MTR: variants seen among roughly 807,000 people sequenced by gnomAD.
MTR encodes methionine synthase.
MTR carries 84 observed loss-of-function variants against 154.8 expected under a neutral mutation model. The ratio of observed to expected loss-of-function variants is 0.54; its 90% CI spans 0.45 to 0.65. The LOEUF is 0.65. Ranked by LOEUF, MTR falls within the 30% of genes least tolerant of loss-of-function variation. MTR has a pLI of 0.00. For missense variants in MTR, 1,275 were observed against 1,570.2 expected, an observed-to-expected ratio of 0.81 and a Z score of 3.18; for synonymous variants, 554 against 553.9, an observed-to-expected ratio of 1.00 and a Z score of 0.00.
At chr1:236,856,044 C>T (rs1052358844) in intron 18 of MTR, among the ~76,000 whole-genome samples, 1 of 152,208 alleles carries the variant, frequency 6.6e-6, no homozygotes, top group Non-Finnish European at 1.5e-5. Flanking sequence ...AGTTTTTAGA[C>T]ATCACAACCT....
chr1:236,849,828 T>C (rs941686385), intron 15 of MTR, among the ~76,000 whole-genome samples: 2 of 152,238 alleles, frequency 1.3e-5, no homozygotes, highest in African/African-American at 4.8e-5. Flanking sequence ...GAGGAATAAA[T>C]GCATATCCTT....
chr1:236,831,398 C>T (rs1227839309), intron 12 of MTR, among the ~76,000 whole-genome samples: 1 of 152,192 alleles, frequency 6.6e-6, no homozygotes, highest in Non-Finnish European at 1.5e-5. Context: ...AGAGTCAGCT[C>T]ATTAGTGATA....
chr1:236,874,771 T>C lies in MTR; in HGVS notation c.2519T>C (p.Met840Thr). 4 of 1,612,694 alleles carry C rather than the reference T, an allele frequency of 2.5e-6. No homozygotes were observed. The highest frequency in any genetic ancestry group is 3.4e-6 in the Non-Finnish European group (4 of 1,179,204). The stretch of plus-strand genomic sequence containing the variant: ...CTCATCACTCCTTCCCTGGATGAAA[T>C]GATTTTTGTTGCCAAGGAAATGGAG... The part of the protein sequence containing the change: ...SGLITPSLDE[M>T]IFVAKEMERL... The change falls in exon 24 of 33, where the codon ATG becomes ACG. Residue 840 changes from methionine to threonine, a missense_variant. Coordinates refer to ENST00000366577, the MANE Select transcript of MTR (RefSeq NM_000254.3).
chr1:236,835,407 A>T (rs907820681), intron 13 of MTR, 140 bp from the exon 14 acceptor site: 70 of 938,604 alleles, frequency 7.5e-5, no homozygotes, highest in Non-Finnish European at 6.0e-5. Flanking sequence ...ATGGGTGGAC[A>T]GCAGGCCCGG....
chr1:236,815,504 CT>C, intron 6 of MTR, 99 bp from the exon 7 acceptor site: 1 of 1,152,466 alleles, frequency 8.7e-7, no homozygotes, highest in Admixed American at 1.7e-5. Context: ...TATATCTTAT[CT>C]GAAGAGGTCT....
chr1:236,852,955 T>C lies in MTR; in HGVS notation c.1820T>C (p.Met607Thr). 1.9e-6 allele frequency: 3 copies of C among 1,614,034 alleles called. No homozygotes were observed. The highest frequency in any genetic ancestry group is 2.5e-6 in the Non-Finnish European group (3 of 1,179,936). ...TATTTGTATTGCCCTTAGTCTGGCA[T>C]GGACATGGGGATAGTGAATGCTGGA... ...VFLYHAIKSGMDMGIVNAGNL... is the reference protein window; with the variant it reads ...VFLYHAIKSGTDMGIVNAGNL... Residue 607 changes from methionine (M) to threonine (T), a missense_variant, in exon 18 of 33, where the codon ATG becomes ACG. Coordinates refer to ENST00000366577, the MANE Select transcript of MTR (RefSeq NM_000254.3).
intron 15 of MTR, among the ~76,000 whole-genome samples, chr1:236,849,815 G>A (rs1663795907): frequency 6.6e-6 from 1 of 152,142 alleles, no homozygotes; most frequent in African/African-American, 2.4e-5. Context: ...AATGGGTGAA[G>A]GTGAGGAATA....
intron 25 of MTR, among the ~76,000 whole-genome samples, chr1:236,884,688 G>A (rs1054192702): frequency 2.0e-5 from 3 of 152,116 alleles, no homozygotes; most frequent in Admixed American, 6.5e-5. Context: ...TTTATTGGGG[G>A]TTGGTCACAT....
chr1:236,831,303 T>G (rs1358981676), intron 12 of MTR, among the ~76,000 whole-genome samples: 1 of 152,252 alleles, frequency 6.6e-6, no homozygotes, highest in African/African-American at 2.4e-5. Context: ...ATCTGATATT[T>G]GCCCCTAAAT....
At chr1:236,840,643 C>T (rs1231739696) in intron 15 of MTR, among the ~76,000 whole-genome samples, 1 of 152,148 alleles carries the variant, frequency 6.6e-6, no homozygotes, top group East Asian at 1.9e-4. Flanking sequence ...GAGATTATAC[C>T]TGGTATTCTG....
chr1:236,821,963 T>G (rs1661981448), intron 8 of MTR, among the ~76,000 whole-genome samples: 1 of 152,226 alleles, frequency 6.6e-6, no homozygotes, highest in African/African-American at 2.4e-5. Flanking sequence ...CTTTAGCTTT[T>G]TAGTAAGTCT....
In MTR at chr1:236,903,678, A is replaced by G. The variant is rs188470994; in HGVS notation, c.*6034A>G. ...ATCACAGACAATCTCTGCCATCCAT[A>G]AGGTAAATGTAATACATCTGGCGAC... On this transcript the variant is annotated 3_prime_UTR_variant, in exon 33 of 33. Transcript: ENST00000366577. The G allele has an allele frequency of 3.9e-5, 6 of 152,304 alleles. No homozygotes were observed. Among genetic ancestry groups the G allele is most frequent in the Admixed American group, 2.6e-4 (4 of 15,304 alleles). 9.4% of individuals were successfully genotyped at this position (152,304 alleles called of 1,614,324 possible).
intron 8 of MTR, among the ~76,000 whole-genome samples, chr1:236,819,029 TG>T (rs1661765814): frequency 6.6e-6 from 1 of 152,206 alleles, no homozygotes; most frequent in African/African-American, 2.4e-5. Flanking sequence ...TCTTTTGAGA[TG>T]GAGTCTCAAA....
rs1666862604 is a variant in MTR at position 236,900,267 on chromosome 1, T to A, written c.*2623T>A. The A allele has an allele frequency of 4.2e-6, 1 of 240,558 alleles. No homozygotes were observed. The highest frequency in any genetic ancestry group is 8.7e-6 in the Non-Finnish European group (1 of 115,446). 14.9% of individuals were successfully genotyped at this position (240,558 alleles called of 1,614,324 possible). On this transcript the variant is annotated 3_prime_UTR_variant, in exon 33 of 33. Transcript: ENST00000366577. Reference sequence around the variant, plus strand: ...AGTGAACTACAGCTATACCTCACAATAAGAATGAATCTCAGAAAATATTAA... The same window carrying A: ...AGTGAACTACAGCTATACCTCACAAAAAGAATGAATCTCAGAAAATATTAA...
chr1:236,871,783 A>G (rs530327494), intron 22 of MTR, among the ~76,000 whole-genome samples: 10 of 152,166 alleles, frequency 6.6e-5, no homozygotes, highest in African/African-American at 2.4e-4. Flanking sequence ...GAATATACTT[A>G]CCATTGATTT....
At chr1:236,825,289 G>A (rs777872059) in intron 9 of MTR, 49 bp from the exon 10 acceptor site, 2 of 1,309,580 alleles carry the variant, frequency 1.5e-6, no homozygotes, top group East Asian at 4.7e-5. Flanking sequence ...AAAATACAGT[G>A]TATATTTTTA....
chr1:236,901,343 G>A lies in MTR; in HGVS notation c.*3699G>A, dbSNP rs941026337. ...TTGTTGACTCATTTAAAGAAGATTG[G>A]AGGGAAAGGTAGGATTGAGAGTGTT... On this transcript the variant is annotated 3_prime_UTR_variant, in exon 33 of 33. Coordinates refer to ENST00000366577, the MANE Select transcript of MTR (RefSeq NM_000254.3). 2.6e-5 allele frequency: 4 copies of A among 152,412 alleles called. No individual in the cohort carries two copies. Among genetic ancestry groups the A allele is most frequent in the Admixed American group, 2.6e-4 (4 of 15,284 alleles). 9.4% of individuals were successfully genotyped at this position (152,412 alleles called of 1,614,324 possible).
At chr1:236,852,861 C>G in intron 17 of MTR, 87 bp from the exon 18 acceptor site, 1 of 1,485,554 alleles carries the variant, frequency 6.7e-7, no homozygotes, top group Non-Finnish European at 9.4e-7. Context: ...TAAAATATTT[C>G]TCTCTGGCCC....
At position 236,889,348 on chromosome 1, in the gene MTR, A is replaced by T; in HGVS notation, c.3007+12A>T. The T allele has an allele frequency of 6.2e-7, 1 of 1,614,140 alleles. No homozygotes were observed. Among genetic ancestry groups the T allele is most frequent in the Non-Finnish European group, 8.5e-7 (1 of 1,179,994 alleles). ...CGACAAAACAGTAGGTTAGTGCAGT[A>T]AGTCCTTCCTTTCTGCCTCTGATAT... is the stretch of plus-strand genomic sequence containing the variant. On this transcript the variant is annotated intron_variant, in intron 28 of 32. Transcript: ENST00000366577.
Sources: allele counts gnomAD v4.1 joint callset (sites outside exome capture counted in the v4.1 genomes callset), GRCh38; gene constraint gnomAD v4.1.1; transcripts MANE v1.5; gene names NCBI Gene and HGNC (gene_info 2026-07-23, HGNC 2026-07-21).